USP17L2: variants seen among roughly 807,000 people sequenced by gnomAD.
The protein encoded by USP17L2 is ubiquitin specific peptidase 17 like family member 2.
Under a neutral mutation model 39.8 loss-of-function variants are expected in USP17L2, and 29 were observed. That is an observed-to-expected ratio of 0.73 (90% confidence interval 0.54 to 0.99). The LOEUF is 0.99. Ranked by LOEUF, USP17L2 falls within the 50% of genes least tolerant of loss-of-function variation. The probability of loss-of-function intolerance (pLI) is 0.00; values close to 1 mark genes in which losing one functional copy is unlikely to be tolerated. For synonymous variants in USP17L2, 231 were observed against 252.7 expected (o/e 0.91, Z 0.81); for missense variants, 567 against 647.2 (o/e 0.88, Z 1.35).
In USP17L2 at chr8:12,137,402, T is replaced by G; in HGVS notation, c.1359A>C (p.Arg453Ser). 6.5e-6 allele frequency: 10 copies of G among 1,532,394 alleles called. 1 individual carries two copies. Among genetic ancestry groups the G allele is most frequent in the Non-Finnish European group, 8.8e-6 (10 of 1,135,546 alleles). The allele number at this position is 1,532,394 out of a possible 1,614,324, so 94.9% of individuals were successfully genotyped here. Residue 453 changes from arginine (R) to serine (S), a missense_variant, in exon 1 of 1, where the codon AGA becomes AGC. This residue lies in a region of USP17L2 where 304 missense variants were observed against 254.7 expected (regional missense o/e 1.19). Coordinates refer to ENST00000333796, the MANE Select transcript of USP17L2 (RefSeq NM_201402.3). ...TGGGAGGCAGGGTACCTTCGACTTT[T>G]CTGACGTTGAACTCAGGCTTCGTTT... ...QNKTKPEFNV[R>S]KVEGTLPPNV...
chr8:12,138,606 C>G lies in USP17L2; in HGVS notation c.155G>C (p.Cys52Ser), dbSNP rs1258997156. The change falls in exon 1 of 1, where the codon TGT (cysteine) becomes TCT (serine). Residue 52 changes from cysteine (C) to serine (S), a missense_variant. Physicochemically the swap from Cys to Ser is moderately radical, Grantham distance 112 (BLOSUM62 -1). Transcript: ENST00000333796. ...TCTTGCCACAGGAGCCAAATCATCA[C>G]AGAGGTCGACACGGGCCTCAGATGA... The part of the protein sequence containing the change: ...PLSSEARVDL[C>S]DDLAPVARQL... 6.5e-7 allele frequency: 1 copy of G among 1,530,830 alleles called. No homozygotes were observed. The highest frequency in any genetic ancestry group is 1.2e-5 in the South Asian group (1 of 81,288). The allele number at this position is 1,530,830 out of a possible 1,614,324, so 94.8% of individuals were successfully genotyped here.
rs1437802375 is a variant in USP17L2, at chr8:12,136,810, G to A, written c.*358C>T. The stretch of plus-strand genomic sequence containing the variant: ...ACACCCCAAGAGAAAATAGGAAACC[G>A]AGTCCCCTGCAATAACCTCACACTC... On this transcript the variant is annotated 3_prime_UTR_variant, in exon 1 of 1. Coordinates refer to ENST00000333796, the MANE Select transcript of USP17L2 (RefSeq NM_201402.3). Among the ~76,000 whole-genome samples, 12 of 140,510 alleles carry A rather than the reference G, an allele frequency of 8.5e-5. 1 individual carries two copies. Among genetic ancestry groups the A allele is most frequent in the African/African-American group, 1.1e-4 (4 of 37,262 alleles). The allele number at this position is 140,510 out of a possible 152,430, so 92.2% of individuals were successfully genotyped here.
Position 12,138,657 on chromosome 8 carries a change from G to A in USP17L2, c.104C>T (p.Thr35Ile), listed in dbSNP as rs1337907907. Residue 35 changes from threonine to isoleucine, a missense_variant, in exon 1 of 1, where the codon ACT becomes ATT. This residue lies in a region of USP17L2 where 120 missense variants were observed against 111.0 expected (regional missense o/e 1.08). Transcript: ENST00000333796. ...GAGTGGTGACTTCTCAGGGAGAGAA[G>A]TCCGCTGGATTTCAGCAAAAGCTGC... is the stretch of plus-strand genomic sequence containing the variant. Reference protein sequence around the residue: ...PDAAFAEIQRTSLPEKSPLSS... With the variant: ...PDAAFAEIQRISLPEKSPLSS... 6.6e-7 allele frequency: 1 copy of A among 1,523,634 alleles called. No individual in the cohort carries two copies. The highest frequency in any genetic ancestry group is 1.8e-5 in the Admixed American group (1 of 55,890). The allele number at this position is 1,523,634 out of a possible 1,614,324, so 94.4% of individuals were successfully genotyped here.
At position 12,137,366 on chromosome 8, in the gene USP17L2, C is replaced by A. The variant is rs553727609; in HGVS notation, c.1395G>T (p.Val465=). 20 of 1,531,504 alleles carry A rather than the reference C, an allele frequency of 1.3e-5. 2 individuals are homozygous for A. Among genetic ancestry groups the A allele is most frequent in the Non-Finnish European group, 1.8e-5 (20 of 1,135,144 alleles). 94.9% of individuals were successfully genotyped at this position (1,531,504 alleles called of 1,614,324 possible). A position where few individuals can be genotyped will look rare whatever the true frequency, so the allele number is the denominator to read the frequency against. Residue 465 remains valine, a synonymous_variant, in exon 1 of 1, where the codon GTG becomes GTT. Coordinates refer to ENST00000333796, the MANE Select transcript of USP17L2 (RefSeq NM_201402.3). ...CACACTTGTATTTCGATTGATGAAT[C>A]ACAAGTACGTTGGGAGGCAGGGTAC... ...VEGTLPPNVL[V]IHQSKYKCGM...
Position 12,137,974 on chromosome 8 carries a change from C to A in USP17L2, c.787G>T (p.Ala263Ser). ...HCGLCLQRAP[A>S]SKTLTLHTSA... is the part of the protein sequence containing the mutation. ...GTGTGTAAAGTTAACGTCTTGGAGG[C>A]CGGCGCCCTCTGGAGACAAAGACCG... Residue 263 changes from alanine (A) to serine (S), a missense_variant, in exon 1 of 1, where the codon GCC becomes TCC. Coordinates refer to ENST00000333796, the MANE Select transcript of USP17L2 (RefSeq NM_201402.3). 1.3e-6 allele frequency: 2 copies of A among 1,510,246 alleles called. No homozygotes were observed. Among genetic ancestry groups the A allele is most frequent in the African/African-American group, 1.5e-5 (1 of 66,934 alleles). The allele number at this position is 1,510,246 out of a possible 1,614,324, so 93.6% of individuals were successfully genotyped here.
chr8:12,137,660 G>A lies in USP17L2; in HGVS notation c.1101C>T (p.Ala367=), dbSNP rs763259750. ...CSITSVLSQQ[A]YVLFYIQKSE... ...TCTTCTGGATGTAAAAGAGGACATA[G>A]GCCTGTTGACTCAGGACAGAAGTGA... Residue 367 remains alanine, a synonymous_variant, in exon 1 of 1, where the codon GCC becomes GCT. Coordinates refer to ENST00000333796, the MANE Select transcript of USP17L2 (RefSeq NM_201402.3). 4 of 1,531,360 alleles carry A rather than the reference G, an allele frequency of 2.6e-6. No individual in the cohort carries two copies. Among genetic ancestry groups the A allele is most frequent in the Admixed American group, 1.8e-5 (1 of 55,880 alleles). The allele number at this position is 1,531,360 out of a possible 1,614,324, so 94.9% of individuals were successfully genotyped here.
chr8:12,137,450 C>T, the USP17L2 span: 5 of 1,532,512 alleles, frequency 3.3e-6, 1 homozygote, highest in Non-Finnish European at 4.4e-6. Context: ...GGGGGAATTT[C>T]CAGTGGTCTA....
At position 12,138,505 on chromosome 8, in the gene USP17L2, C is replaced by T. The variant is rs775860050; in HGVS notation, c.256G>A (p.Gly86Arg). ...AAVGAGLQNMGNTCYENASLQ... is the reference protein window; with the variant it reads ...AAVGAGLQNMRNTCYENASLQ... ...GAAGCGTTCTCGTAGCAGGTATTTC[C>T]CATATTCTGGAGCCCAGCCCCCACC... Residue 86 changes from glycine (G) to arginine (R), a missense_variant, in exon 1 of 1, where the codon GGA (glycine) becomes AGA (arginine). By Grantham distance (125) the Gly-to-Arg change is moderately radical (BLOSUM62 -2). Transcript: ENST00000333796. 5.8e-6 allele frequency: 9 copies of T among 1,539,730 alleles called. 1 individual carries two copies. The highest frequency in any genetic ancestry group is 7.9e-6 in the Non-Finnish European group (9 of 1,138,224).
chr8:12,137,780 C>G lies in USP17L2; in HGVS notation c.981G>C (p.Gly327=). The change falls in exon 1 of 1, where the codon GGG becomes GGC. Residue 327 remains glycine (G), a synonymous_variant. Transcript: ENST00000333796. Reference sequence around the variant, plus strand: ...AGTAATGTCCGTCGTGACAACTCCACCCAGCGTGGACCAGCACAGCATAGA... The same window carrying G: ...AGTAATGTCCGTCGTGACAACTCCAGCCAGCGTGGACCAGCACAGCATAGA... The part of the protein sequence containing the change: ...YVLYAVLVHA[G]WSCHDGHYFS... 1 of 1,490,492 alleles carries G rather than the reference C, an allele frequency of 6.7e-7. No individual in the cohort carries two copies. The highest frequency in any genetic ancestry group is 9.1e-7 in the Non-Finnish European group (1 of 1,098,432). The allele number at this position is 1,490,492 out of a possible 1,614,324, so 92.3% of individuals were successfully genotyped here.
Position 12,137,232 on chromosome 8 carries a change from C to T in USP17L2, c.1529G>A (p.Gly510Glu), listed in dbSNP as rs1456864120. 4 of 1,530,718 alleles carry T rather than the reference C, an allele frequency of 2.6e-6. No individual in the cohort carries two copies. The highest frequency in any genetic ancestry group is 3.6e-5 in the Admixed American group (2 of 55,860). The allele number at this position is 1,530,718 out of a possible 1,614,324, so 94.8% of individuals were successfully genotyped here. Residue 510 changes from glycine (G) to glutamate (E), a missense_variant, in exon 1 of 1, where the codon GGG becomes GAG. Transcript: ENST00000333796. ...CTTCCCTTTGGATCTCCTGGTCCTC[C>T]CTTGCAGAGAAGCGAGGGTGCCAGT... The part of the protein sequence containing the change: ...VNTGTLASLQ[G>E]RTRRSKGKNK...
At position 12,138,304 on chromosome 8, in the gene USP17L2, A is replaced by G; in HGVS notation, c.457T>C (p.Phe153Leu). ...GCATCTTCCTGCTTGCCTCTATGGAAGCCAGCAGCCAATGCCTGTGAGGGC... is the reference window on the plus strand; with the variant it reads ...GCATCTTCCTGCTTGCCTCTATGGAGGCCAGCAGCCAATGCCTGTGAGGGC... ...IQPSQALAAG[F>L]HRGKQEDAHE... Residue 153 changes from phenylalanine (F) to leucine (L), a missense_variant, in exon 1 of 1, where the codon TTC becomes CTC. Phe to Leu is a conservative substitution (Grantham distance 22). Around this residue, in one of 6 missense-constraint regions of USP17L2, gnomAD observed 67 missense variants for 122.8 expected, o/e 0.55. Transcript: ENST00000333796. 2 of 1,490,728 alleles carry G rather than the reference A, an allele frequency of 1.3e-6. No individual in the cohort carries two copies. The highest frequency in any genetic ancestry group is 9.1e-7 in the Non-Finnish European group (1 of 1,097,182). The allele number at this position is 1,490,728 out of a possible 1,614,324, so 92.3% of individuals were successfully genotyped here.
Position 12,138,030 on chromosome 8 carries a change from T to C in USP17L2, c.731A>G (p.Glu244Gly), listed in dbSNP as rs541610960. 2.9e-6 allele frequency: 4 copies of C among 1,395,268 alleles called. No homozygotes were observed. The South Asian group carries it at 5.1e-5, about 18-fold the overall frequency. 86.4% of individuals were successfully genotyped at this position (1,395,268 alleles called of 1,614,324 possible). ...ATAGGCATTCTCTCCATTGAGTTCT[T>C]CGGGCTTCACCAACTGTTCCAAAGC... is the stretch of plus-strand genomic sequence containing the variant. ...KQALEQLVKP[E>G]ELNGENAYHC... Residue 244 changes from glutamate to glycine, a missense_variant, in exon 1 of 1, where the codon GAA (glutamate) becomes GGA (glycine). By Grantham distance (98) the Glu-to-Gly change is moderately conservative. Coordinates refer to ENST00000333796, the MANE Select transcript of USP17L2 (RefSeq NM_201402.3).
rs745333256 is a variant in USP17L2 at position 12,138,605 on chromosome 8, A to C, written c.156T>G (p.Cys52Trp). ...PLSSEARVDL[C>W]DDLAPVARQL... ...GTCTTGCCACAGGAGCCAAATCATC[A>C]CAGAGGTCGACACGGGCCTCAGATG... Residue 52 changes from cysteine to tryptophan, a missense_variant, in exon 1 of 1, where the codon TGT (cysteine) becomes TGG (tryptophan). By Grantham distance (215) the Cys-to-Trp change is radical. Around this residue, in one of 6 missense-constraint regions of USP17L2, gnomAD observed 120 missense variants for 111.0 expected, o/e 1.08. Coordinates refer to ENST00000333796, the MANE Select transcript of USP17L2 (RefSeq NM_201402.3). 6.5e-7 allele frequency: 1 copy of C among 1,530,650 alleles called. No homozygotes were observed. Among genetic ancestry groups the C allele is most frequent in the South Asian group, 1.2e-5 (1 of 81,272 alleles). The allele number at this position is 1,530,650 out of a possible 1,614,324, so 94.8% of individuals were successfully genotyped here.
In USP17L2 at chr8:12,138,618, C is replaced by T. The variant is rs573688773; in HGVS notation, c.143G>A (p.Arg48His). ...PEKSPLSSEA[R>H]VDLCDDLAPV... ...AGCCAAATCATCACAGAGGTCGACACGGGCCTCAGATGAGAGTGGTGACTT... is the reference window on the plus strand; with the variant it reads ...AGCCAAATCATCACAGAGGTCGACATGGGCCTCAGATGAGAGTGGTGACTT... Residue 48 changes from arginine (R) to histidine (H), a missense_variant, in exon 1 of 1, where the codon CGT becomes CAT. Arg to His is a conservative substitution (Grantham distance 29). This residue lies in a region of USP17L2 where 120 missense variants were observed against 111.0 expected (regional missense o/e 1.08). Coordinates refer to ENST00000333796, the MANE Select transcript of USP17L2 (RefSeq NM_201402.3). 5.9e-5 allele frequency: 91 copies of T among 1,530,590 alleles called. 4 individuals carry two copies. The highest frequency in any genetic ancestry group is 5.4e-4 in the Admixed American group (30 of 55,884). 94.8% of individuals were successfully genotyped at this position (1,530,590 alleles called of 1,614,324 possible).
In USP17L2 at chr8:12,138,267, A is replaced by G. The variant is rs1803341671; in HGVS notation, c.494T>C (p.Leu165Pro). The G allele has an allele frequency of 1.5e-6, 2 of 1,371,494 alleles. No individual in the cohort carries two copies. Among genetic ancestry groups the G allele is most frequent in the African/African-American group, 3.1e-5 (2 of 65,438 alleles). 85.0% of individuals were successfully genotyped at this position (1,371,494 alleles called of 1,614,324 possible). A position where few individuals can be genotyped will look rare whatever the true frequency, so the allele number is the denominator to read the frequency against. ...RGKQEDAHEF[L>P]MFTVDAMKKA... is the part of the protein sequence containing the mutation. ...TTTCATGGCATCCACAGTGAACATGAGAAATTCATGGGCATCTTCCTGCTT... is the reference window on the plus strand; with the variant it reads ...TTTCATGGCATCCACAGTGAACATGGGAAATTCATGGGCATCTTCCTGCTT... Residue 165 changes from leucine (L) to proline (P), a missense_variant, in exon 1 of 1, where the codon CTC becomes CCC. By Grantham distance (98) the Leu-to-Pro change is moderately conservative. Transcript: ENST00000333796.
rs779810100 is a variant in USP17L2 at position 12,137,188 on chromosome 8, C to A, written c.1573G>T (p.Ala525Ser). 24 of 1,530,746 alleles carry A rather than the reference C, an allele frequency of 1.6e-5. 4 individuals are homozygous for A. In the African/African-American group the frequency reaches 2.1e-4, roughly 13 times the overall value. The allele number at this position is 1,530,746 out of a possible 1,614,324, so 94.8% of individuals were successfully genotyped here. A position where few individuals can be genotyped will look rare whatever the true frequency, so the allele number is the denominator to read the frequency against. Reference protein sequence around the residue: ...SKGKNKHSKRALLVCQ With the variant: ...SKGKNKHSKRSLLVCQ ...TGAGATCACTGGCACACAAGCAGAG[C>A]CCTCTTGCTGTGTTTGTTCTTCCCT... is the stretch of plus-strand genomic sequence containing the variant. Residue 525 changes from alanine (A) to serine (S), a missense_variant, in exon 1 of 1, where the codon GCT becomes TCT. Transcript: ENST00000333796.
At position 12,136,495 on chromosome 8, in the gene USP17L2, G is replaced by T. The variant is rs1312668225; in HGVS notation, c.*673C>A. 1.4e-5 allele frequency among the ~76,000 whole-genome samples: 2 copies of T among 140,696 alleles called. No homozygotes were observed. The highest frequency in any genetic ancestry group is 4.6e-4 in the East Asian group (2 of 4,312). 92.3% of individuals were successfully genotyped at this position (140,696 alleles called of 152,430 possible). A position where few individuals can be genotyped will look rare whatever the true frequency, so the allele number is the denominator to read the frequency against. ...TTCCAAATGACTGACATGCCAGTGG[G>T]AAAATTTTCCATTTCGACTCATTGG... On this transcript the variant is annotated 3_prime_UTR_variant, in exon 1 of 1. Transcript: ENST00000333796.
chr8:12,137,403 C>G lies in USP17L2; in HGVS notation c.1358G>C (p.Arg453Thr), dbSNP rs1435707504. The G allele has an allele frequency of 6.5e-7, 1 of 1,532,378 alleles. No homozygotes were observed. The highest frequency in any genetic ancestry group is 1.8e-5 in the Admixed American group (1 of 55,900). 94.9% of individuals were successfully genotyped at this position (1,532,378 alleles called of 1,614,324 possible). ...QNKTKPEFNV[R>T]KVEGTLPPNV... ...GGGAGGCAGGGTACCTTCGACTTTT[C>G]TGACGTTGAACTCAGGCTTCGTTTT... Residue 453 changes from arginine (R) to threonine (T), a missense_variant, in exon 1 of 1, where the codon AGA (arginine) becomes ACA (threonine). Transcript: ENST00000333796.
rs187050568 is a variant in USP17L2, at chr8:12,136,484, C to G, written c.*684G>C. The stretch of plus-strand genomic sequence containing the variant: ...ATACGACTTATTTCCAAATGACTGA[C>G]ATGCCAGTGGGAAAATTTTCCATTT... On this transcript the variant is annotated 3_prime_UTR_variant, in exon 1 of 1. Transcript: ENST00000333796. Among the ~76,000 whole-genome samples, 1 of 140,690 alleles carries G rather than the reference C, an allele frequency of 7.1e-6. No homozygotes were observed. Among genetic ancestry groups the G allele is most frequent in the African/African-American group, 2.7e-5 (1 of 37,272 alleles). The allele number at this position is 140,690 out of a possible 152,430, so 92.3% of individuals were successfully genotyped here.
Sources: gnomAD v4.1 joint callset for allele counts (sites outside exome capture counted in the v4.1 genomes callset) on GRCh38, gnomAD v4.1.1 for gene constraint, gnomAD v4.1.1 regional missense constraint, MANE v1.5 for transcripts, NCBI Gene and HGNC (gene_info 2026-07-23, HGNC 2026-07-21) for gene names.